Variants in BRME1 observed in about 807,000 individuals in gnomAD.
BRME1 encodes break repair meiotic recombinase recruitment factor 1.
A neutral mutation model predicts 52.6 loss-of-function variants in BRME1; 31 were observed. That is an observed-to-expected ratio of 0.59 (90% CI 0.44 to 0.80). The LOEUF (loss-of-function observed/expected upper bound fraction) is 0.80, where lower values mean the gene tolerates loss of function less well. BRME1 is among the 30% of genes least tolerant of loss of function. The probability of loss-of-function intolerance (pLI) is 0.00; values close to 1 mark genes in which losing one functional copy is unlikely to be tolerated. For synonymous variants in BRME1, 359 were observed against 353.6 expected (o/e 1.02, Z -0.17); for missense variants, 804 against 860.3 (o/e 0.93, Z 0.82).
intron 6 of BRME1, among the ~76,000 whole-genome samples, chr19:13,886,515 G>T (rs559503425): frequency 5.3e-5 from 8 of 152,348 alleles, no homozygotes. Flanking sequence ...GTTAGGAAAG[G>T]AGTTTGCAAA....
At chr19:13,893,410 C>T (rs561483165) in intron 3 of BRME1, among the ~76,000 whole-genome samples, 187 bp from the exon 4 acceptor site, 9 of 152,140 alleles carry the variant, frequency 5.9e-5, no homozygotes, top group South Asian at 2.1e-4. Flanking sequence ...TGGTGGCGCA[C>T]GCCTGTAATC....
chr19:13,901,267 A>G (rs1362549395), intron 2 of BRME1, among the ~76,000 whole-genome samples: 1 of 152,090 alleles, frequency 6.6e-6, no homozygotes, highest in Admixed American at 6.6e-5. Context: ...GCGTACCACC[A>G]AGCCTGGCTA....
intron 3 of BRME1, 77 bp downstream of exon 3, chr19:13,895,295 G>C (rs1391307077): frequency 6.8e-7 from 1 of 1,464,828 alleles, no homozygotes; most frequent in Admixed American, 2.0e-5. Flanking sequence ...CTTTCCCAAA[G>C]CATTGCTGTC....
rs1450311234 is a variant in BRME1 at position 13,888,852 on chromosome 19, C to T, written c.1668+336G>A. On this transcript the variant is annotated intron_variant, in intron 6 of 8. Coordinates refer to ENST00000586783, the MANE Select transcript of BRME1 (RefSeq NM_001345843.2). The surrounding 1 kb of genome is among the most constrained non-coding windows in gnomAD (Gnocchi z 4.1). ...CCCGCCTCAATACATCCCCTGGGAC[C>T]CCACGGCCAGGGTCAGGCACTGAAG... 6.6e-6 allele frequency among the ~76,000 whole-genome samples: 1 copy of T among 152,060 alleles called. No homozygotes were observed. The highest frequency in any genetic ancestry group is 1.5e-5 in the Non-Finnish European group (1 of 67,988).
chr19:13,902,870 AGCCGAGATC>A (rs1009585286), intron 2 of BRME1, among the ~76,000 whole-genome samples: 1 of 151,368 alleles, frequency 6.6e-6, no homozygotes, highest in Non-Finnish European at 1.5e-5. Context: ...GGTTGCAGTA[AGCCGAGATC>A]GCGCCACTGC....
rs895310732 is a variant in BRME1 at position 13,883,486 on chromosome 19, C to G, written c.1764-86G>C. ...AGTGGGAGGGGCTTCCGCAGGGCCT[C>G]GCGCCATCTTTTCCAGGTGTCCAGC... On this transcript the variant is annotated intron_variant, in intron 7 of 8. Transcript: ENST00000586783. This position sits in a 1 kb window ranked among gnomAD's most constrained non-coding sequence, Gnocchi z 4.2. 9.9e-7 allele frequency: 1 copy of G among 1,008,652 alleles called. No individual in the cohort carries two copies. The highest frequency in any genetic ancestry group is 1.5e-6 in the Non-Finnish European group (1 of 675,298). The allele number at this position is 1,008,652 out of a possible 1,614,324, so 62.5% of individuals were successfully genotyped here.
rs200031533 is a variant in BRME1, at chr19:13,889,212, A to T, written c.1644T>A (p.Ser548=). The T allele has an allele frequency of 6.3e-7, 1 of 1,598,600 alleles. No homozygotes were observed. The highest frequency in any genetic ancestry group is 2.2e-5 in the East Asian group (1 of 44,686). The change falls in exon 6 of 9, where the codon TCT becomes TCA. Residue 548 remains serine, a synonymous_variant. Coordinates refer to ENST00000586783, the MANE Select transcript of BRME1 (RefSeq NM_001345843.2). The part of the protein sequence containing the change: ...DSQIQDALDA[S]DFEAPPEQLF... ...CCTGCTCAGGTGGGGCTTCGAAGTC[A>T]GAGGCGTCCAGGGCATCCTGTATCT...
intron 2 of BRME1, among the ~76,000 whole-genome samples, chr19:13,898,129 G>C (rs1970033291): frequency 6.6e-6 from 1 of 151,902 alleles, no homozygotes; most frequent in African/African-American, 2.4e-5. Flanking sequence ...TAAATTAAAA[G>C]GAAAGGAAAG....
rs1970675513 is a variant in BRME1 at position 13,905,789 on chromosome 19, T to C, written c.-96A>G. 6.6e-6 allele frequency: 1 copy of C among 152,078 alleles called. No homozygotes were observed. Among genetic ancestry groups the C allele is most frequent in the African/African-American group, 2.4e-5 (1 of 41,386 alleles). The allele number at this position is 152,078 out of a possible 1,614,324, so 9.4% of individuals were successfully genotyped here. On this transcript the variant is annotated 5_prime_UTR_variant, in exon 1 of 9. Transcript: ENST00000586783. ...TCTGCCTGGATCAGTTGGGAATAAG[T>C]CGCTTGAATTATCCGCGTTACTCTT...
chr19:13,902,754 C>G (rs527467791), intron 2 of BRME1, among the ~76,000 whole-genome samples: 2 of 151,562 alleles, frequency 1.3e-5, no homozygotes, highest in South Asian at 4.2e-4. Flanking sequence ...CAAACCCTGA[C>G]TCTACTAAAA....
At chr19:13,895,237 T>C in intron 3 of BRME1, 135 bp downstream of exon 3, 1 of 881,170 alleles carries the variant, frequency 1.1e-6, no homozygotes, top group Non-Finnish European at 1.7e-6. Context: ...CCGAGGGCCC[T>C]GAGCTCTGGG....
chr19:13,897,332 C>T (rs1197773598), intron 2 of BRME1, among the ~76,000 whole-genome samples: 5 of 152,086 alleles, frequency 3.3e-5, no homozygotes, highest in Admixed American at 2.0e-4. Context: ...CCACCGTGCC[C>T]AGCCACATCA....
rs1369562988 is a variant in BRME1 at position 13,896,261 on chromosome 19, C to G, written c.32-715G>C. On this transcript the variant is annotated intron_variant, in intron 2 of 8. Coordinates refer to ENST00000586783, the MANE Select transcript of BRME1 (RefSeq NM_001345843.2). ...CTCCAGCCTGGTTGACAGAGCGAGA[C>G]TCTGTCTCAAAAAAAAATTAATATA... Among the ~76,000 whole-genome samples the G allele has an allele frequency of 2.0e-5, 3 of 150,108 alleles. No homozygotes were observed. The East Asian group carries it at 5.8e-4, about 29-fold the overall frequency.
chr19:13,904,304 G>A (rs560066884), intron 2 of BRME1, among the ~76,000 whole-genome samples: 5 of 152,106 alleles, frequency 3.3e-5, no homozygotes, highest in East Asian at 3.9e-4. Flanking sequence ...ACAGGATCTC[G>A]CTATGTTGCC....
intron 3 of BRME1, among the ~76,000 whole-genome samples, chr19:13,893,473 T>G (rs1969661370): frequency 6.6e-6 from 1 of 152,092 alleles, no homozygotes; most frequent in Non-Finnish European, 1.5e-5. Context: ...AGATGGTGTT[T>G]GCAGTGAGCC....
chr19:13,883,478 CA>C lies in BRME1; in HGVS notation c.1764-79del. 9.3e-7 allele frequency: 1 copy of C among 1,076,614 alleles called. No homozygotes were observed. The highest frequency in any genetic ancestry group is 1.4e-6 in the Non-Finnish European group (1 of 733,712). 66.7% of individuals were successfully genotyped at this position (1,076,614 alleles called of 1,614,324 possible). ...AGCTCTCCAGTGGGAGGGGCTTCCG[CA>C]GGGCCTCGCGCCATCTTTTCCAGGT... On this transcript the variant is annotated intron_variant, in intron 7 of 8. Coordinates refer to ENST00000586783, the MANE Select transcript of BRME1 (RefSeq NM_001345843.2). The surrounding 1 kb of genome is among the most constrained non-coding windows in gnomAD (Gnocchi z 4.2).
intron 7 of BRME1, chr19:13,885,099 A>C (rs553640615): frequency 6.6e-6 from 1 of 152,642 alleles, no homozygotes; most frequent in African/African-American, 2.4e-5. Context: ...GGAGGTGGCC[A>C]GTGGCACAGC....
rs377335198 is a variant in BRME1, at chr19:13,893,165, G to C, written c.265C>G (p.Pro89Ala). Residue 89 changes from proline to alanine, a missense_variant, in exon 4 of 9, where the codon CCA becomes GCA. Physicochemically the swap from Pro to Ala is conservative, Grantham distance 27. Around this residue, in one of 3 missense-constraint regions of BRME1, gnomAD observed 234 missense variants for 258.1 expected, o/e 0.91. Transcript: ENST00000586783. ...ACCTGGGAAGGAGGAAGGGGAGCTG[G>C]CTCCTTTTCTGGTTGACGGAGGAGC... ...CRLLRQPEKE[P>A]APLPPSQNSF... is the part of the protein sequence containing the mutation. 5.0e-6 allele frequency: 8 copies of C among 1,595,908 alleles called. No homozygotes were observed. Among genetic ancestry groups the C allele is most frequent in the Non-Finnish European group, 6.0e-6 (7 of 1,172,700 alleles).
chr19:13,900,998 A>G (rs1038191062), intron 2 of BRME1, among the ~76,000 whole-genome samples: 5 of 151,944 alleles, frequency 3.3e-5, no homozygotes, highest in African/African-American at 1.2e-4. Context: ...TCTAAGAGAC[A>G]GGGTTTTGTT....
Sources: allele counts gnomAD v4.1 joint callset (sites outside exome capture counted in the v4.1 genomes callset), GRCh38; gene constraint gnomAD v4.1.1; regional missense constraint gnomAD v4.1.1; non-coding constraint Gnocchi (gnomAD v3.1); transcripts MANE v1.5; gene names NCBI Gene and HGNC (gene_info 2026-07-23, HGNC 2026-07-21).